MARCHF6: variants seen among roughly 807,000 people sequenced by gnomAD.
The protein encoded by MARCHF6 is E3 ubiquitin-protein ligase MARCHF6.
In MARCHF6, 31 loss-of-function variants were observed where a neutral mutation model predicts 133.7. The ratio of observed to expected loss-of-function variants is 0.23; its 90% CI spans 0.17 to 0.31. The LOEUF (loss-of-function observed/expected upper bound fraction) is 0.31. Ranked by LOEUF, MARCHF6 falls within the 10% of genes least tolerant of loss-of-function variation. The pLI, the probability that MARCHF6 is intolerant of heterozygous loss-of-function variation, is 1.00. For missense variants in MARCHF6, 723 were observed against 1,121.6 expected, an observed-to-expected ratio of 0.64 and a Z score of 5.08; for synonymous variants, 395 against 402.5, an observed-to-expected ratio of 0.98 and a Z score of 0.22.
intron 1 of MARCHF6, among the ~76,000 whole-genome samples, chr5:10,369,334 G>A (rs1223816771): frequency 1.3e-5 from 2 of 152,148 alleles, no homozygotes; most frequent in African/African-American, 2.4e-5. Flanking sequence ...GATGAAAAAC[G>A]TGTGCTCATT....
intron 1 of MARCHF6, among the ~76,000 whole-genome samples, chr5:10,369,778 A>G (rs974498158): frequency 1.3e-5 from 2 of 152,004 alleles, no homozygotes; most frequent in African/African-American, 4.8e-5. Context: ...TTAACTTAAT[A>G]CAATGTTTGA....
intron 17 of MARCHF6, among the ~76,000 whole-genome samples, chr5:10,408,860 G>C (rs1739062514): frequency 6.6e-6 from 1 of 152,136 alleles, no homozygotes; most frequent in South Asian, 2.1e-4. Flanking sequence ...CTTTAAAATT[G>C]TCTTCATCGT....
intron 25 of MARCHF6, among the ~76,000 whole-genome samples, chr5:10,433,136 C>G (rs1330133654): frequency 6.6e-6 from 1 of 152,132 alleles, no homozygotes; most frequent in Admixed American, 6.5e-5. Flanking sequence ...GTGATCCACT[C>G]GCCTCGGCCT....
intron 7 of MARCHF6, among the ~76,000 whole-genome samples, chr5:10,392,116 G>A (rs372863417): frequency 4.6e-5 from 7 of 151,926 alleles, no homozygotes; most frequent in Admixed American, 2.6e-4. Flanking sequence ...TCGCCACCAC[G>A]CCCGGCTAAT....
intron 1 of MARCHF6, among the ~76,000 whole-genome samples, chr5:10,369,974 A>G (rs1199337298): frequency 1.3e-5 from 2 of 151,856 alleles, no homozygotes; most frequent in African/African-American, 2.4e-5. Flanking sequence ...TTGTGTGAAC[A>G]TAAGTTTTTG....
chr5:10,426,265 C>G, intron 23 of MARCHF6, 125 bp from the exon 24 acceptor site: 2 of 1,111,250 alleles, frequency 1.8e-6, no homozygotes, highest in Middle Eastern at 4.2e-4. Context: ...TTTGCCTTGA[C>G]TTTAGAAGAA....
chr5:10,376,907 TA>T (rs1384326283), intron 1 of MARCHF6, among the ~76,000 whole-genome samples: 4 of 152,158 alleles, frequency 2.6e-5, no homozygotes, highest in Non-Finnish European at 5.9e-5. Context: ...AAGTGTGCAT[TA>T]AGTTTCTGCC....
At chr5:10,405,502 T>C in intron 15 of MARCHF6, 56 bp from the exon 16 acceptor site, 3 of 1,432,616 alleles carry the variant, frequency 2.1e-6, no homozygotes, top group Non-Finnish European at 2.8e-6. Flanking sequence ...TTTTAGCTCA[T>C]ATATAGAATT....
At chr5:10,359,213 A>AC (rs1735662583) in intron 1 of MARCHF6, among the ~76,000 whole-genome samples, 1 of 152,252 alleles carries the variant, frequency 6.6e-6, no homozygotes, top group Non-Finnish European at 1.5e-5. Context: ...GGAAGCTGAA[A>AC]AAAGGCATGA....
At chr5:10,379,831 C>A (rs537755991) in intron 3 of MARCHF6, among the ~76,000 whole-genome samples, 19 of 152,082 alleles carry the variant, frequency 1.2e-4, no homozygotes, top group Non-Finnish European at 2.4e-4. Context: ...TTCTTGAACT[C>A]CTGGCCTCAA....
At chr5:10,420,241 T>C (rs1739759937) in intron 22 of MARCHF6, among the ~76,000 whole-genome samples, 1 of 152,204 alleles carries the variant, frequency 6.6e-6, no homozygotes, top group Admixed American at 6.5e-5. Flanking sequence ...ACATCACTTT[T>C]CAGTACATTT....
intron 22 of MARCHF6, among the ~76,000 whole-genome samples, chr5:10,423,022 T>C (rs542107634): frequency 6.6e-6 from 1 of 151,992 alleles, no homozygotes; most frequent in Non-Finnish European, 1.5e-5. Flanking sequence ...TTAATACCGT[T>C]TTTTGTTGTT....
chr5:10,377,186 CCTTCTGCTTAAGGTGG>C, intron 1 of MARCHF6, among the ~76,000 whole-genome samples: 1 of 152,060 alleles, frequency 6.6e-6, no homozygotes, highest in South Asian at 2.1e-4. Context: ...TAGCGCTGTC[CCTTCTGCTTAAGGTGG>C]CTTCCGGCTC....
rs1325592520 is a variant in MARCHF6 at position 10,390,405 on chromosome 5, G to T, written c.481G>T (p.Val161Leu). ...TCTLCAFISL[V>L]WLREQIVHGG... Reference sequence around the variant, plus strand: ...CACACTGTGTGCATTCATCAGCCTGGTGTGGTTGAGAGAGCAGATAGTCCA... The same window carrying T: ...CACACTGTGTGCATTCATCAGCCTGTTGTGGTTGAGAGAGCAGATAGTCCA... The change falls in exon 6 of 26, where the codon GTG becomes TTG. Residue 161 changes from valine to leucine, a missense_variant. This residue lies in a region of MARCHF6 where 91 missense variants were observed against 208.8 expected (regional missense o/e 0.44). Transcript: ENST00000274140. 6.2e-7 allele frequency: 1 copy of T among 1,613,860 alleles called. No individual in the cohort carries two copies. Among genetic ancestry groups the T allele is most frequent in the African/African-American group, 1.3e-5 (1 of 74,814 alleles).
Position 10,381,888 on chromosome 5 carries a change from GTT to G in MARCHF6, c.281_282del (p.Phe94SerfsTer98). ...TSIGTAIRYW[F>X]HYTLVAFAWL... ...GTATTGGCACTGCAATACGATATTG[GTT>G]TCATTATACACTTGTGGCCTTTGCA... On this transcript the variant is annotated frameshift_variant, in exon 4 of 26. Transcript: ENST00000274140. LOFTEE classifies it high-confidence loss of function. 6.2e-7 allele frequency: 1 copy of G among 1,613,234 alleles called. No homozygotes were observed. Among genetic ancestry groups the G allele is most frequent in the Non-Finnish European group, 8.5e-7 (1 of 1,179,548 alleles).
intron 20 of MARCHF6, among the ~76,000 whole-genome samples, chr5:10,415,235 T>C (rs1479532536): frequency 1.3e-5 from 2 of 152,204 alleles, no homozygotes. Context: ...GAATAAGTAA[T>C]TGGCATGACA....
intron 18 of MARCHF6, among the ~76,000 whole-genome samples, chr5:10,410,496 T>C (rs975805953): frequency 6.6e-6 from 1 of 152,164 alleles, no homozygotes; most frequent in African/African-American, 2.4e-5. Flanking sequence ...TGCCCTCTTA[T>C]AGAAGTTTGC....
chr5:10,403,815 C>CT (rs1738701312), intron 15 of MARCHF6, among the ~76,000 whole-genome samples: 1 of 152,140 alleles, frequency 6.6e-6, no homozygotes, highest in Non-Finnish European at 1.5e-5. Context: ...TTTTGTCACA[C>CT]TTCGTATATA....
At chr5:10,383,327 G>A (rs1737269358) in intron 4 of MARCHF6, among the ~76,000 whole-genome samples, 1 of 152,182 alleles carries the variant, frequency 6.6e-6, no homozygotes, top group South Asian at 2.1e-4. Context: ...AAGAGATAAT[G>A]GAGATGAGGA....
Sources: gnomAD v4.1 joint callset for allele counts (sites outside exome capture counted in the v4.1 genomes callset) on GRCh38, gnomAD v4.1.1 for gene constraint, gnomAD v4.1.1 regional missense constraint, MANE v1.5 for transcripts, NCBI Gene and HGNC (gene_info 2026-07-23, HGNC 2026-07-21) for gene names.